ASPH: variants seen among roughly 807,000 people sequenced by gnomAD.
The protein encoded by ASPH is aspartate beta-hydroxylase.
ASPH carries 100 observed loss-of-function variants against 118.4 expected under a neutral mutation model. The ratio of observed to expected loss-of-function variants is 0.84; its 90% CI spans 0.72 to 1.00. The LOEUF is 1.00. Ranked by LOEUF, ASPH falls within the 50% of genes least tolerant of loss-of-function variation. The pLI, the probability that ASPH is intolerant of heterozygous loss-of-function variation, is 0.00. For synonymous variants in ASPH, 315 were observed against 325.6 expected (o/e 0.97, Z 0.35); for missense variants, 920 against 919.5 (o/e 1.00, Z -0.01).
At chr8:61,610,524 T>A (rs1405775550) in intron 14 of ASPH, among the ~76,000 whole-genome samples, 1 of 152,234 alleles carries the variant, frequency 6.6e-6, no homozygotes, top group Admixed American at 6.5e-5. Flanking sequence ...CAATAACTGC[T>A]GGTGTATTTT....
At chr8:61,662,904 T>G in intron 3 of ASPH, 2 of 984,850 alleles carry the variant, frequency 2.0e-6, no homozygotes, top group Non-Finnish European at 2.4e-6. Flanking sequence ...TTTCACTCAT[T>G]TGTTTAGAAT....
At chr8:61,630,253 T>C (rs1415343483) in intron 13 of ASPH, among the ~76,000 whole-genome samples, 1 of 152,178 alleles carries the variant, frequency 6.6e-6, no homozygotes, top group Non-Finnish European at 1.5e-5. Flanking sequence ...TGAACTAATA[T>C]TCAGCACTTT....
At chr8:61,607,137 C>T in intron 14 of ASPH, 1 of 609,292 alleles carries the variant, frequency 1.6e-6, no homozygotes, top group Non-Finnish European at 2.9e-6. Context: ...CTCCACAGAG[C>T]ATAGCACACA....
chr8:61,574,913 G>C (rs1834630782), intron 16 of ASPH, among the ~76,000 whole-genome samples: 1 of 152,122 alleles, frequency 6.6e-6, no homozygotes, highest in Admixed American at 6.5e-5. Context: ...AGCACGTGTA[G>C]AATAAAATCT....
chr8:61,706,536 G>A (rs1441340024), intron 1 of ASPH, among the ~76,000 whole-genome samples: 2 of 151,924 alleles, frequency 1.3e-5, no homozygotes, highest in East Asian at 3.9e-4. Context: ...CAGCCGGCCA[G>A]GTGCATGTAT....
chr8:61,514,393 C>T (rs1431475158), intron 24 of ASPH, among the ~76,000 whole-genome samples: 1 of 152,004 alleles, frequency 6.6e-6, no homozygotes, highest in Non-Finnish European at 1.5e-5. Context: ...CTCACTGCAG[C>T]CTTGAACTCC....
rs73685084 is a variant in ASPH, at chr8:61,562,395, G to C, written c.1437+349C>G. Among the ~76,000 whole-genome samples the C allele has an allele frequency of 2.0e-3, 295 of 148,192 alleles. 4 individuals are homozygous for C. Among genetic ancestry groups the C allele is most frequent in the African/African-American group, 6.5e-3 (262 of 40,238 alleles). Reference sequence around the variant, plus strand: ...AAAAAAAAGGAAAGTGTGTCTGTGTGTGTGTGTGTGTGTGTGTGTGTGTAA... The same window carrying C: ...AAAAAAAAGGAAAGTGTGTCTGTGTCTGTGTGTGTGTGTGTGTGTGTGTAA... On this transcript the variant is annotated intron_variant, in intron 18 of 24. Coordinates refer to ENST00000379454, the MANE Select transcript of ASPH (RefSeq NM_004318.4).
chr8:61,642,288 C>G (rs192388524), intron 10 of ASPH, among the ~76,000 whole-genome samples: 1 of 152,302 alleles, frequency 6.6e-6, no homozygotes, highest in Non-Finnish European at 1.5e-5. Flanking sequence ...AGTAGTTGTT[C>G]ATGCATATTT....
intron 10 of ASPH, among the ~76,000 whole-genome samples, chr8:61,639,266 A>G (rs749644746): frequency 1.3e-5 from 2 of 151,958 alleles, no homozygotes; most frequent in African/African-American, 2.4e-5. Flanking sequence ...TCTTTCTTCC[A>G]TTGAACAATC....
chr8:61,543,489 G>A (rs1721390700), intron 21 of ASPH, among the ~76,000 whole-genome samples: 1 of 151,954 alleles, frequency 6.6e-6, no homozygotes, highest in Non-Finnish European at 1.5e-5. Flanking sequence ...CTCTTCATTG[G>A]AATTCTCTAT....
chr8:61,585,826 T>C (rs1839276411), intron 14 of ASPH, among the ~76,000 whole-genome samples: 1 of 152,186 alleles, frequency 6.6e-6, no homozygotes, highest in Non-Finnish European at 1.5e-5. Context: ...GAGTCCCAGC[T>C]CTGTCACCTC....
chr8:61,670,825 T>C (rs895648234), intron 3 of ASPH, among the ~76,000 whole-genome samples: 4 of 151,396 alleles, frequency 2.6e-5, no homozygotes, highest in African/African-American at 9.7e-5. Context: ...ATAGTAATGT[T>C]GTAAAGGGAA....
intron 21 of ASPH, among the ~76,000 whole-genome samples, chr8:61,545,749 G>A (rs76406572): frequency 3.5e-4 from 54 of 152,272 alleles, no homozygotes; most frequent in African/African-American, 1.2e-3. Context: ...GACTTTGAGC[G>A]TCCACCTTCC....
At chr8:61,651,196 G>T in intron 4 of ASPH, 72 bp from the exon 5 acceptor site, 1 of 1,242,532 alleles carries the variant, frequency 8.0e-7, no homozygotes. Context: ...ACTCAAATAT[G>T]ACATTGGTAC....
intron 3 of ASPH, chr8:61,668,195 C>T: frequency 6.4e-7 from 1 of 1,553,296 alleles, no homozygotes; most frequent in Non-Finnish European, 8.8e-7. Context: ...AAACATTAAA[C>T]TTGATTCACT....
At chr8:61,569,747 C>T (rs1247179749) in intron 16 of ASPH, among the ~76,000 whole-genome samples, 1 of 152,164 alleles carries the variant, frequency 6.6e-6, no homozygotes, top group African/African-American at 2.4e-5. Context: ...GAAATTCACC[C>T]TTGCTAAATG....
At chr8:61,602,623 T>TTACGC (rs1289095671) in intron 14 of ASPH, among the ~76,000 whole-genome samples, 27 of 151,310 alleles carry the variant, frequency 1.8e-4, no homozygotes, top group South Asian at 8.3e-4. Flanking sequence ...TGTAAACTAA[T>TTACGC]GCGTAGGGAC....
intron 20 of ASPH, 49 bp downstream of exon 20, chr8:61,552,982 C>T (rs761696498): frequency 2.1e-6 from 3 of 1,408,380 alleles, no homozygotes; most frequent in South Asian, 2.4e-5. Context: ...AATTATTCTC[C>T]CAACTCCATC....
intron 16 of ASPH, among the ~76,000 whole-genome samples, chr8:61,572,232 G>T (rs1201937391): frequency 1.3e-5 from 2 of 152,156 alleles, no homozygotes; most frequent in Non-Finnish European, 2.9e-5. Context: ...CCATAGGGGT[G>T]CTGTCAGCAT....
Sources: gnomAD v4.1 joint callset for allele counts (sites outside exome capture counted in the v4.1 genomes callset) on GRCh38, gnomAD v4.1.1 for gene constraint, MANE v1.5 for transcripts, NCBI Gene and HGNC (gene_info 2026-07-23, HGNC 2026-07-21) for gene names.